DSE: variants seen among roughly 807,000 people sequenced by gnomAD.
The protein encoded by DSE is dermatan-sulfate epimerase.
In DSE, 36 loss-of-function variants were observed where a neutral mutation model predicts 84.4. The ratio of observed to expected loss-of-function variants is 0.43; its 90% CI spans 0.33 to 0.56. DSE has a LOEUF of 0.56. Among genes scored for constraint, DSE ranks in the 20% least tolerant of loss-of-function variants. The pLI is 0.06. For missense variants in DSE, 862 were observed against 1,169.6 expected, an observed-to-expected ratio of 0.74 and a Z score of 3.84; for synonymous variants, 410 against 430.1, an observed-to-expected ratio of 0.95 and a Z score of 0.58.
At position 116,290,687 on chromosome 6, in the gene DSE, C is replaced by T. The variant is rs568753630; in HGVS notation, c.-54+31720C>T. On this transcript the variant is annotated intron_variant, in intron 2 of 3. Transcript: ENST00000430252. ...ATGAAGTCTTATTTGGAAATAATTCCTTAAAACTCATCCTGAGAAGAGACA... is the reference window on the plus strand; with the variant it reads ...ATGAAGTCTTATTTGGAAATAATTCTTTAAAACTCATCCTGAGAAGAGACA... 9.2e-5 allele frequency among the ~76,000 whole-genome samples: 14 copies of T among 152,210 alleles called. No individual in the cohort carries two copies. The South Asian group carries it at 2.7e-3, about 29-fold the overall frequency.
rs1430766530 is a variant in DSE at position 116,298,468 on chromosome 6, AG to A, written c.-54+39502del. Among the ~76,000 whole-genome samples the A allele has an allele frequency of 1.3e-4, 20 of 152,184 alleles. 1 individual carries two copies. Among genetic ancestry groups the A allele is most frequent in the African/African-American group, 3.9e-4 (16 of 41,440 alleles). ...CTCAACCAGCCATTGTTAGTTTTGAAGACAGAGGACGGGGCCACTAGCCAAG... is the reference window on the plus strand; with the variant it reads ...CTCAACCAGCCATTGTTAGTTTTGAAACAGAGGACGGGGCCACTAGCCAAG... On this transcript the variant is annotated intron_variant, in intron 2 of 3. Coordinates refer to the DSE transcript ENST00000430252.
intron 2 of DSE, among the ~76,000 whole-genome samples, chr6:116,289,195 TG>T (rs1774125943): frequency 6.6e-6 from 1 of 152,014 alleles, no homozygotes; most frequent in Non-Finnish European, 1.5e-5. Context: ...GTGTACTTGG[TG>T]GGACAAACCC....
chr6:116,360,313 C>T (rs1778819697), intron 2 of DSE, among the ~76,000 whole-genome samples: 1 of 152,140 alleles, frequency 6.6e-6, no homozygotes, highest in African/African-American at 2.4e-5. Flanking sequence ...TGTCACAAAA[C>T]ACATCCTGCA....
intron 2 of DSE, among the ~76,000 whole-genome samples, chr6:116,416,254 A>G (rs1040919800): frequency 7.9e-5 from 12 of 152,042 alleles, no homozygotes; most frequent in African/African-American, 2.9e-4. Context: ...AATCATATCT[A>G]CAAAGTCCCT....
chr6:116,320,901 T>A (rs1018942540), intron 2 of DSE, among the ~76,000 whole-genome samples: 6 of 152,190 alleles, frequency 3.9e-5, no homozygotes, highest in African/African-American at 7.2e-5. Flanking sequence ...TTTCAATATA[T>A]GTATTTTAAG....
In DSE at chr6:116,438,665, C is replaced by G. The variant is rs1167324589; in HGVS notation, c.*1320C>G. On this transcript the variant is annotated 3_prime_UTR_variant, in exon 6 of 6. Coordinates refer to ENST00000644252, the MANE Select transcript of DSE (RefSeq NM_013352.4). The stretch of plus-strand genomic sequence containing the variant: ...TTCAGCATATTTGAGTCATATATTT[C>G]TCCTTTGAAACAAAATATGTTCAGC... The G allele has an allele frequency of 2.0e-5, 3 of 152,126 alleles. No individual in the cohort carries two copies. The highest frequency in any genetic ancestry group is 4.4e-5 in the Non-Finnish European group (3 of 67,994). 9.4% of individuals were successfully genotyped at this position (152,126 alleles called of 1,614,324 possible).
At chr6:116,370,019 C>A, upstream of DSE, 1 of 1,175,814 alleles carries the variant, frequency 8.5e-7, no homozygotes, top group Non-Finnish European at 1.1e-6. Flanking sequence ...GCAAAGTATT[C>A]CTGAGGTGAT....
intron 2 of DSE, chr6:116,278,733 G>A: frequency 6.2e-7 from 1 of 1,614,174 alleles, no homozygotes; most frequent in Non-Finnish European, 8.5e-7. Context: ...TTCTGCGAAT[G>A]AAGGACTGGG....
At position 116,431,063 on chromosome 6, in the gene DSE, G is replaced by T. The variant is rs765697282; in HGVS notation, c.780G>T (p.Ala260=). The change falls in exon 4 of 6, where the codon GCG becomes GCT. Residue 260 remains alanine, a synonymous_variant. Coordinates refer to ENST00000644252, the MANE Select transcript of DSE (RefSeq NM_013352.4). ...VTDGSLYEGV[A]YGSYTTRSLF... ...ATGGCTCCCTCTATGAAGGAGTTGCGTATGGCAGCTACACCACTAGATCAC... is the reference window on the plus strand; with the variant it reads ...ATGGCTCCCTCTATGAAGGAGTTGCTTATGGCAGCTACACCACTAGATCAC... 6.2e-7 allele frequency: 1 copy of T among 1,614,124 alleles called. No individual in the cohort carries two copies. Among genetic ancestry groups the T allele is most frequent in the Admixed American group, 1.7e-5 (1 of 60,014 alleles).
At chr6:116,385,427 A>G (rs771023799) in intron 1 of DSE, among the ~76,000 whole-genome samples, 11 of 151,470 alleles carry the variant, frequency 7.3e-5, no homozygotes, top group Non-Finnish European at 4.4e-5. Context: ...GTATGGCTGT[A>G]TGGTGGTGGT....
At chr6:116,346,054 C>T (rs1466766997) in intron 2 of DSE, among the ~76,000 whole-genome samples, 4 of 152,124 alleles carry the variant, frequency 2.6e-5, no homozygotes, top group Non-Finnish European at 5.9e-5. Flanking sequence ...ATACACCCTC[C>T]CAAGACTAAA....
At chr6:116,371,877 C>T (rs889401763) in intron 1 of DSE, among the ~76,000 whole-genome samples, 6 of 152,192 alleles carry the variant, frequency 3.9e-5, no homozygotes, top group African/African-American at 1.4e-4. Context: ...TTATATCGCT[C>T]CTTTAAAGCA....
At chr6:116,349,138 A>G (rs1302495285) in intron 2 of DSE, among the ~76,000 whole-genome samples, 1 of 152,168 alleles carries the variant, frequency 6.6e-6, no homozygotes, top group Non-Finnish European at 1.5e-5. Context: ...ATATACACAT[A>G]CATATACATA....
intron 2 of DSE, among the ~76,000 whole-genome samples, chr6:116,361,896 C>T (rs1394360822): frequency 2.0e-5 from 3 of 152,138 alleles, no homozygotes; most frequent in East Asian, 1.9e-4. Context: ...AAACGTGAGT[C>T]GTATCTGAAG....
At chr6:116,320,483 G>A (rs144542372) in intron 2 of DSE, among the ~76,000 whole-genome samples, 2 of 151,852 alleles carry the variant, frequency 1.3e-5, no homozygotes, top group Non-Finnish European at 2.9e-5. Context: ...ACAAAACAAA[G>A]GAGAGAACAG....
chr6:116,371,666 G>A (rs1779588654), intron 1 of DSE, among the ~76,000 whole-genome samples: 1 of 152,224 alleles, frequency 6.6e-6, no homozygotes, highest in Non-Finnish European at 1.5e-5. Flanking sequence ...GCCTCTCCCA[G>A]ACGCTGGATT....
chr6:116,360,186 G>C (rs9481630), intron 2 of DSE, among the ~76,000 whole-genome samples: 2,856 of 152,152 alleles, frequency 0.019, 97 homozygotes, highest in African/African-American at 0.061. Context: ...CACACACTGG[G>C]GCCTGTGGGT....
At chr6:116,326,180 A>G (rs188812428) in intron 2 of DSE, among the ~76,000 whole-genome samples, 4 of 152,206 alleles carry the variant, frequency 2.6e-5, no homozygotes, top group African/African-American at 9.6e-5. Flanking sequence ...GAAATTGGGC[A>G]TAAGACAATA....
Position 116,444,694 on chromosome 6 carries a change from C to T in DSE, c.*7349C>T, listed in dbSNP as rs516875. The T allele has an allele frequency of 1.1e-3, 162 of 152,146 alleles. 1 individual carries two copies. Among genetic ancestry groups the T allele is most frequent in the African/African-American group, 3.8e-3 (159 of 41,474 alleles). 9.4% of individuals were successfully genotyped at this position (152,146 alleles called of 1,614,324 possible). Reference sequence around the variant, plus strand: ...GGGAGTAGTATCCTTATAAAAGATACCCCAGAGAGGTCCCTTGTCCCTTCC... The same window carrying T: ...GGGAGTAGTATCCTTATAAAAGATATCCCAGAGAGGTCCCTTGTCCCTTCC... On this transcript the variant is annotated 3_prime_UTR_variant, in exon 6 of 6. Transcript: ENST00000644252.
Sources: gnomAD v4.1 joint callset for allele counts (sites outside exome capture counted in the v4.1 genomes callset) on GRCh38, gnomAD v4.1.1 for gene constraint, MANE v1.5 for transcripts, NCBI Gene and HGNC (gene_info 2026-07-23, HGNC 2026-07-21) for gene names.